The following COL24A1 variants were observed in gnomAD, a reference collection of about 807,000 sequenced individuals.
COL24A1 encodes the protein collagen alpha-1(XXIV) chain.
A neutral mutation model predicts 253.9 loss-of-function variants in COL24A1; 224 were observed. The observed-to-expected ratio is 0.88, with a 90% CI of 0.79 to 0.99. The LOEUF (loss-of-function observed/expected upper bound fraction) is 0.99, where lower values mean the gene tolerates loss of function less well. COL24A1 is among the 50% of genes least tolerant of loss of function. COL24A1 has a pLI of 0.00. For synonymous variants in COL24A1, 685 were observed against 673.7 expected (o/e 1.02, Z -0.26); for missense variants, 2,131 against 2,068.5 (o/e 1.03, Z -0.59).
At chr1:85,880,450 C>T (rs954481041) in intron 32 of COL24A1, among the ~76,000 whole-genome samples, 3 of 152,120 alleles carry the variant, frequency 2.0e-5, no homozygotes, top group Admixed American at 6.5e-5. Context: ...ACACAGACAG[C>T]CATGCCATAT....
chr1:85,887,090 G>T (rs1354693447), intron 32 of COL24A1, among the ~76,000 whole-genome samples: 3 of 152,122 alleles, frequency 2.0e-5, no homozygotes, highest in African/African-American at 7.2e-5. Context: ...TGGTATCTAA[G>T]AAAGAGTAGC....
intron 18 of COL24A1, 110 bp from the exon 19 acceptor site, chr1:86,017,314 TCAAA>T: frequency 3.1e-6 from 3 of 962,824 alleles, no homozygotes; most frequent in Non-Finnish European, 4.5e-6. Context: ...TATTATCATG[TCAAA>T]CAAGGTTGTA....
intron 47 of COL24A1, among the ~76,000 whole-genome samples, chr1:85,788,414 TG>T (rs1420111151): frequency 2.0e-5 from 3 of 152,184 alleles, no homozygotes; most frequent in African/African-American, 7.2e-5. Flanking sequence ...TTAATGAGGT[TG>T]TTTTTTTCTT....
At chr1:85,791,347 T>TA (rs1397744762) in intron 47 of COL24A1, among the ~76,000 whole-genome samples, 2 of 151,624 alleles carry the variant, frequency 1.3e-5, no homozygotes, top group African/African-American at 4.8e-5. Flanking sequence ...CAAAGAAGTT[T>TA]AAAAAAAACA....
chr1:85,920,925 G>A (rs779419788), intron 24 of COL24A1, among the ~76,000 whole-genome samples: 10 of 140,546 alleles, frequency 7.1e-5, no homozygotes, highest in Non-Finnish European at 1.6e-4. Flanking sequence ...GGAGGCAAGA[G>A]GTAGAAAAAA....
At chr1:85,903,624 T>G (rs1202408561) in intron 28 of COL24A1, among the ~76,000 whole-genome samples, 2 of 152,188 alleles carry the variant, frequency 1.3e-5, no homozygotes, top group Non-Finnish European at 2.9e-5. Context: ...TTGGCTGCAC[T>G]GAGCTGTATT....
chr1:85,754,400 G>A (rs28844913), intron 55 of COL24A1, among the ~76,000 whole-genome samples: 2 of 86,580 alleles, frequency 2.3e-5, no homozygotes, highest in Non-Finnish European at 4.6e-5. Flanking sequence ...GGTCGGGGGA[G>A]GGGGGAGGGA....
chr1:85,824,903 T>TTTA (rs67610324), intron 43 of COL24A1, among the ~76,000 whole-genome samples: 8,785 of 144,744 alleles, frequency 0.061, 297 homozygotes, highest in African/African-American at 0.082. Flanking sequence ...TATTTATTCT[T>TTTA]TTATTATTAT....
Position 85,743,091 on chromosome 1 carries a change from A to T in COL24A1, c.4672+1575T>A, listed in dbSNP as rs542395265. Among the ~76,000 whole-genome samples, 3 of 152,262 alleles carry T rather than the reference A, an allele frequency of 2.0e-5. No individual in the cohort carries two copies. In the South Asian group the frequency reaches 6.2e-4, roughly 32 times the overall value. On this transcript the variant is annotated intron_variant, in intron 57 of 59. Transcript: ENST00000370571. ...ATATTAGCTAGAGTAATATTTTAAAAATCTGAGCCAAATTATGTCACTTCT... is the reference window on the plus strand; with the variant it reads ...ATATTAGCTAGAGTAATATTTTAAATATCTGAGCCAAATTATGTCACTTCT...
At position 85,833,767 on chromosome 1, in the gene COL24A1, T is replaced by A. The variant is rs189747142; in HGVS notation, c.3681+4818A>T. Among the ~76,000 whole-genome samples, 962 of 152,152 alleles carry A rather than the reference T, an allele frequency of 6.3e-3. 10 individuals carry two copies. The highest frequency in any genetic ancestry group is 0.022 in the African/African-American group (925 of 41,494). On this transcript the variant is annotated intron_variant, in intron 43 of 59. Transcript: ENST00000370571. ...TTAAGAAAATGTGGCACATATACAA[T>A]ATGGAATACTATGCAGCCATAAAAA...
At chr1:85,971,533 A>G (rs115154373) in intron 20 of COL24A1, 140 bp from the exon 21 acceptor site, 8,934 of 654,798 alleles carry the variant, frequency 0.014, 96 homozygotes, top group Non-Finnish European at 0.019. Flanking sequence ...GGGTTGCAGT[A>G]TGGGCAAACA....
At chr1:86,015,470 C>T (rs191765683) in intron 19 of COL24A1, among the ~76,000 whole-genome samples, 16 of 152,122 alleles carry the variant, frequency 1.1e-4, no homozygotes, top group Non-Finnish European at 1.8e-4. Flanking sequence ...GAAAACATGG[C>T]GCATGCATCC....
chr1:85,875,772 T>C, intron 33 of COL24A1, among the ~76,000 whole-genome samples: 1 of 141,962 alleles, frequency 7.0e-6, no homozygotes, highest in Non-Finnish European at 1.6e-5. Flanking sequence ...CACACAGAGC[T>C]TCTTTTCCAG....
chr1:85,817,245 A>G (rs773533796), intron 46 of COL24A1, among the ~76,000 whole-genome samples: 1 of 152,184 alleles, frequency 6.6e-6, no homozygotes, highest in Non-Finnish European at 1.5e-5. Flanking sequence ...CTTAGGATAG[A>G]GGTTATCATT....
intron 39 of COL24A1, among the ~76,000 whole-genome samples, chr1:85,847,011 A>G (rs192788628): frequency 7.0e-4 from 107 of 152,244 alleles, no homozygotes; most frequent in Admixed American, 1.4e-3. Context: ...TGCATTTTGT[A>G]AAAAAGCCTA....
At position 85,827,094 on chromosome 1, in the gene COL24A1, C is replaced by T. The variant is rs865926892; in HGVS notation, c.3682-3356G>A. On this transcript the variant is annotated intron_variant, in intron 43 of 59. Coordinates refer to ENST00000370571, the MANE Select transcript of COL24A1 (RefSeq NM_152890.7). ...AGATAGCTCTTATTATTTTGAGATA[C>T]GTCCCATCAATACCTAATTAATGGA... 2.2e-4 allele frequency among the ~76,000 whole-genome samples: 34 copies of T among 152,034 alleles called. No individual in the cohort carries two copies. In the East Asian group the frequency reaches 4.3e-3, roughly 19 times the overall value.
At position 85,838,595 on chromosome 1, in the gene COL24A1, T is replaced by C. The variant is rs1676270366; in HGVS notation, c.3671A>G (p.Glu1224Gly). 6.2e-7 allele frequency: 1 copy of C among 1,613,720 alleles called. No homozygotes were observed. Among genetic ancestry groups the C allele is most frequent in the Non-Finnish European group, 8.5e-7 (1 of 1,179,728 alleles). The change falls in exon 43 of 60, where the codon GAG becomes GGG. Residue 1224 changes from glutamate to glycine, a missense_variant. Transcript: ENST00000370571. ...DQGERGEPGA[E>G]GYKGHVGVPG... is the part of the protein sequence containing the mutation. ...ATAACTTGCAATTACCTTATATCCC[T>C]CTGCTCCAGGCTCTCCTCTCTCTCC...
intron 8 of COL24A1, among the ~76,000 whole-genome samples, chr1:86,059,818 T>C (rs1031664712): frequency 6.6e-6 from 1 of 152,128 alleles, no homozygotes; most frequent in African/African-American, 2.4e-5. Flanking sequence ...GTAATTAGGT[T>C]GGAGCCCTCA....
chr1:85,768,422 G>A (rs1453987077), intron 53 of COL24A1, among the ~76,000 whole-genome samples: 1 of 152,074 alleles, frequency 6.6e-6, no homozygotes, highest in East Asian at 1.9e-4. Flanking sequence ...GGGAAAAGTG[G>A]AAGAAACGAC....
Sources: allele counts gnomAD v4.1 joint callset (sites outside exome capture counted in the v4.1 genomes callset), GRCh38; gene constraint gnomAD v4.1.1; transcripts MANE v1.5; gene names NCBI Gene and HGNC (gene_info 2026-07-23, HGNC 2026-07-21).